Variants in MYO18B observed in about 807,000 individuals in gnomAD.
The protein encoded by MYO18B is myosin XVIIIB.
Under a neutral mutation model 273.0 loss-of-function variants are expected in MYO18B, and 204 were observed. That is an observed-to-expected ratio of 0.75 (90% confidence interval 0.67 to 0.84). The LOEUF is 0.84. Among genes scored for constraint, MYO18B ranks in the 40% least tolerant of loss-of-function variants. The pLI is 0.00. For synonymous variants in MYO18B, 1,330 were observed against 1,305.7 expected (o/e 1.02, Z -0.40); for missense variants, 3,212 against 3,287.6 (o/e 0.98, Z 0.56).
chr22:26,018,605 GCCATTGAAATCCT>G, intron 42 of MYO18B, among the ~76,000 whole-genome samples: 1 of 152,212 alleles, frequency 6.6e-6, no homozygotes, highest in Non-Finnish European at 1.5e-5. Context: ...AGCCATCGCC[GCCATTGAAATCCT>G]ACCCTTCTTC....
At chr22:25,792,018 TCAGATCGTGG>T (rs1417309944) in intron 11 of MYO18B, among the ~76,000 whole-genome samples, 4 of 152,194 alleles carry the variant, frequency 2.6e-5, no homozygotes, top group Non-Finnish European at 5.9e-5. Context: ...AGATCACGAT[TCAGATCGTGG>T]CTGAAGACAA....
intron 3 of MYO18B, among the ~76,000 whole-genome samples, chr22:25,765,691 A>G (rs1418418221): frequency 1.3e-5 from 2 of 152,094 alleles, no homozygotes; most frequent in East Asian, 1.9e-4. Flanking sequence ...TATATGCTAA[A>G]AAGGGTGGCA....
At chr22:25,897,705 G>T (rs909637550) in intron 28 of MYO18B, 1 of 152,198 alleles carries the variant, frequency 6.6e-6, no homozygotes, top group Non-Finnish European at 1.5e-5. Context: ...TTTCTTCAAA[G>T]CCAGTGTGCT....
intron 25 of MYO18B, among the ~76,000 whole-genome samples, chr22:25,887,084 T>C (rs1196215587): frequency 6.6e-6 from 1 of 152,240 alleles, no homozygotes; most frequent in Non-Finnish European, 1.5e-5. Flanking sequence ...TGCTGTTTCC[T>C]GCTGTCTGCA....
chr22:26,052,585 AG>A, the MYO18B span, among the ~76,000 whole-genome samples: 772 of 152,234 alleles, frequency 5.1e-3, 5 homozygotes, highest in African/African-American at 0.016. Flanking sequence ...TGAGAAACCA[AG>A]GGGTGGGAGT....
chr22:25,801,480 G>A (rs773451031), intron 12 of MYO18B, among the ~76,000 whole-genome samples: 20 of 152,172 alleles, frequency 1.3e-4, no homozygotes, highest in Non-Finnish European at 5.9e-5. Context: ...CTGTAAAATG[G>A]GGCTAATGAT....
At chr22:25,896,582 A>G (rs977686535) in intron 28 of MYO18B, 2 of 152,188 alleles carry the variant, frequency 1.3e-5, no homozygotes, top group African/African-American at 4.8e-5. Flanking sequence ...TGAAGGTAAC[A>G]TTACAAATCT....
chr22:25,761,779 G>A (rs1345440703), intron 2 of MYO18B, among the ~76,000 whole-genome samples: 1 of 152,026 alleles, frequency 6.6e-6, no homozygotes, highest in Non-Finnish European at 1.5e-5. Flanking sequence ...CTCCCAGCCT[G>A]ATCTGGGGGT....
chr22:26,062,483 C>T, the MYO18B span, among the ~76,000 whole-genome samples: 1 of 152,100 alleles, frequency 6.6e-6, no homozygotes. Context: ...GAATTGACAG[C>T]TAGAGAGAAA....
chr22:25,744,934 T>C (rs547023280), intron 1 of MYO18B, among the ~76,000 whole-genome samples: 16 of 151,980 alleles, frequency 1.1e-4, no homozygotes, highest in East Asian at 3.9e-4. Flanking sequence ...AGCAAGAGCA[T>C]TGGGCCAAGA....
intron 18 of MYO18B, among the ~76,000 whole-genome samples, chr22:25,845,448 C>T (rs531047806): frequency 3.0e-4 from 45 of 152,234 alleles, no homozygotes; most frequent in Admixed American, 9.2e-4. Context: ...ACCCGGGAGG[C>T]GGAGGTTGCA....
intron 27 of MYO18B, among the ~76,000 whole-genome samples, chr22:25,893,140 A>G (rs2091706517): frequency 1.3e-5 from 2 of 152,256 alleles, no homozygotes; most frequent in African/African-American, 4.8e-5. Context: ...AAGAAGCAGT[A>G]AAACATTTTA....
chr22:25,835,442 A>G lies in MYO18B; in HGVS notation c.3207A>G (p.Glu1069=). 6.2e-7 allele frequency: 1 copy of G among 1,613,736 alleles called. No individual in the cohort carries two copies. The highest frequency in any genetic ancestry group is 8.5e-7 in the Non-Finnish European group (1 of 1,179,864). Residue 1069 remains glutamate, a splice_region_variant and synonymous_variant, in exon 17 of 44, where the codon GAA becomes GAG. Coordinates refer to ENST00000335473, the MANE Select transcript of MYO18B (RefSeq NM_032608.7). ...TCGAGAAGAAAGGAGCTGGGACTGA[A>G]GGTAAGGAAGCAGGGGGCTGGGGAT... ...AAFEKKGAGT[E]GSSALRTCEQ... is the part of the protein sequence containing the mutation.
Position 25,921,383 on chromosome 22 carries a change from G to C in MYO18B, c.5491G>C (p.Glu1831Gln). ...GGATGGCAAGACATCAGTCAGCAAG[G>C]AGGAGCTGGAGAAAGTGCACAGCCA... ...MEDGKTSVSK[E>Q]ELEKVHSQLE... The change falls in exon 34 of 44, where the codon GAG (glutamate) becomes CAG (glutamine). Residue 1831 changes from glutamate to glutamine, a missense_variant. Physicochemically the swap from Glu to Gln is conservative, Grantham distance 29. Coordinates refer to ENST00000335473, the MANE Select transcript of MYO18B (RefSeq NM_032608.7). The C allele has an allele frequency of 1.2e-6, 2 of 1,600,760 alleles. No homozygotes were observed. Among genetic ancestry groups the C allele is most frequent in the Non-Finnish European group, 1.7e-6 (2 of 1,173,834 alleles).
At chr22:25,999,740 C>T (rs1419111285) in intron 40 of MYO18B, among the ~76,000 whole-genome samples, 1 of 151,758 alleles carries the variant, frequency 6.6e-6, no homozygotes, top group African/African-American at 2.4e-5. Context: ...ACTGCAACCT[C>T]TGCCTCCCAG....
At chr22:25,927,914 G>T (rs2092444111) in intron 34 of MYO18B, among the ~76,000 whole-genome samples, 1 of 152,188 alleles carries the variant, frequency 6.6e-6, no homozygotes, top group South Asian at 2.1e-4. Context: ...TAGCTAAAGA[G>T]GAGGCCCTTA....
chr22:26,016,398 T>G (rs1935328486), intron 42 of MYO18B, among the ~76,000 whole-genome samples: 1 of 152,180 alleles, frequency 6.6e-6, no homozygotes, highest in Admixed American at 6.5e-5. Flanking sequence ...CCCTCTCAAT[T>G]TGATATCCTA....
chr22:25,885,854 G>A (rs1278097021), intron 25 of MYO18B, among the ~76,000 whole-genome samples: 1 of 152,210 alleles, frequency 6.6e-6, no homozygotes, highest in Non-Finnish European at 1.5e-5. Flanking sequence ...CAAGGCCAGT[G>A]GGTGGTGTGT....
At chr22:25,776,994 C>T (rs7288662) in intron 7 of MYO18B, among the ~76,000 whole-genome samples, 45,465 of 152,032 alleles carry the variant, frequency 0.3, 7,191 homozygotes, top group Non-Finnish European at 0.32. Context: ...TATCTCTTTG[C>T]GATTGGCTGG....
Sources: gnomAD v4.1 joint callset for allele counts (sites outside exome capture counted in the v4.1 genomes callset) on GRCh38, gnomAD v4.1.1 for gene constraint, MANE v1.5 for transcripts, NCBI Gene and HGNC (gene_info 2026-07-23, HGNC 2026-07-21) for gene names.